Variants in GNA12 observed in about 807,000 individuals in gnomAD.
GNA12 encodes the protein guanine nucleotide-binding protein subunit alpha-12.
GNA12 carries 9 observed loss-of-function variants against 26.0 expected under a neutral mutation model. The ratio of observed to expected loss-of-function variants is 0.35; its 90% CI spans 0.21 to 0.60. The LOEUF (loss-of-function observed/expected upper bound fraction) is 0.60. Ranked by LOEUF, GNA12 falls within the 20% of genes least tolerant of loss-of-function variation. GNA12 has a pLI of 0.78. For missense variants in GNA12, 405 were observed against 525.8 expected (o/e 0.77, Z 2.25); for synonymous variants, 264 against 219.6 (o/e 1.20, Z -1.79).
At chr7:2,792,877 CA>C (rs1295052239) in intron 2 of GNA12, among the ~76,000 whole-genome samples, 1 of 152,182 alleles carries the variant, frequency 6.6e-6, no homozygotes, top group African/African-American at 2.4e-5. Context: ...AGGCTATTTG[CA>C]GGGTCTCAAT....
Position 2,831,171 on chromosome 7 carries a change from G to A in GNA12, c.309+12682C>T, listed in dbSNP as rs146795408. Among the ~76,000 whole-genome samples the A allele has an allele frequency of 4.8e-3, 726 of 151,776 alleles. 5 individuals are homozygous for A. Among genetic ancestry groups the A allele is most frequent in the African/African-American group, 0.016 (672 of 41,350 alleles). On this transcript the variant is annotated intron_variant, in intron 1 of 3. Transcript: ENST00000275364. ...AGCAGTCCTGGTATGTTTAAAAACA[G>A]TCTCATTGTGCTACGGTCATACCAG...
Position 2,731,630 on chromosome 7 carries a change from A to C in GNA12, c.697T>G (p.Ser233Ala), listed in dbSNP as rs1235372215. The C allele has an allele frequency of 1.9e-6, 3 of 1,613,812 alleles. No homozygotes were observed. Among genetic ancestry groups the C allele is most frequent in the Non-Finnish European group, 2.5e-6 (3 of 1,179,926 alleles). The change falls in exon 4 of 4, where the codon TCC becomes GCC. Residue 233 changes from serine to alanine, a missense_variant. Physicochemically the swap from Ser to Ala is moderately conservative, Grantham distance 99. Coordinates refer to ENST00000275364, the MANE Select transcript of GNA12 (RefSeq NM_007353.3). The surrounding 1 kb of genome is among the most constrained non-coding windows in gnomAD (Gnocchi z 6.0). ...FKMVDVGGQR[S>A]QRQKWFQCFD... The stretch of plus-strand genomic sequence containing the variant: ...CACTGGAACCACTTCTGGCGCTGGG[A>C]CCGCTGGCCGCCCACATCCACCATC...
rs372522652 is a variant in GNA12, at chr7:2,735,341, G to A, written c.526-1840C>T. ...CTAGGCAGGTGGTGGCACCAGGCAC[G>A]AAGGAAGCAGAGGCAGTTCTCCTGC... On this transcript the variant is annotated intron_variant, in intron 2 of 3. Coordinates refer to ENST00000275364, the MANE Select transcript of GNA12 (RefSeq NM_007353.3). Among the ~76,000 whole-genome samples the A allele has an allele frequency of 4.6e-5, 7 of 152,306 alleles. No homozygotes were observed. The East Asian group carries it at 7.7e-4, about 17-fold the overall frequency.
chr7:2,812,826 A>C (rs1793117988), intron 1 of GNA12, among the ~76,000 whole-genome samples: 1 of 152,164 alleles, frequency 6.6e-6, no homozygotes, highest in Non-Finnish European at 1.5e-5. Flanking sequence ...CCCACCTCTA[A>C]TGAGAAAGTT....
intron 2 of GNA12, among the ~76,000 whole-genome samples, chr7:2,751,032 C>T (rs115935168): frequency 1.3e-5 from 2 of 152,088 alleles, no homozygotes; most frequent in Non-Finnish European, 2.9e-5. Flanking sequence ...GTTAAAATAT[C>T]AACACTTTTA....
At chr7:2,832,104 T>C (rs895022292) in intron 1 of GNA12, among the ~76,000 whole-genome samples, 2 of 152,198 alleles carry the variant, frequency 1.3e-5, no homozygotes, top group African/African-American at 4.8e-5. Context: ...TCCCTGATTT[T>C]GGCCCCAGGA....
chr7:2,755,169 G>A (rs1791235070), intron 2 of GNA12, among the ~76,000 whole-genome samples: 1 of 152,170 alleles, frequency 6.6e-6, no homozygotes, highest in African/African-American at 2.4e-5. Flanking sequence ...ACCACTGCAG[G>A]GAGACAACAG....
rs1462284322 is a variant in GNA12 at position 2,731,282 on chromosome 7, G to T, written c.1045C>A (p.His349Asn). 1 of 1,612,162 alleles carries T rather than the reference G, an allele frequency of 6.2e-7. No individual in the cohort carries two copies. ...RRNRSKPLFH[H>N]FTTAIDTENV... is the part of the protein sequence containing the mutation. Reference sequence around the variant, plus strand: ...TCGGTGTCGATGGCGGTGGTGAAGTGGTGGAAGAGTGGCTTGCTGCGGTTC... The same window carrying T: ...TCGGTGTCGATGGCGGTGGTGAAGTTGTGGAAGAGTGGCTTGCTGCGGTTC... Residue 349 changes from histidine to asparagine, a missense_variant, in exon 4 of 4, where the codon CAC (histidine) becomes AAC (asparagine). By Grantham distance (68) the His-to-Asn change is moderately conservative (BLOSUM62 1). Transcript: ENST00000275364. The surrounding 1 kb of genome is among the most constrained non-coding windows in gnomAD (Gnocchi z 6.0).
intron 2 of GNA12, among the ~76,000 whole-genome samples, chr7:2,735,349 C>T (rs1194282429): frequency 6.6e-6 from 1 of 152,224 alleles, no homozygotes; most frequent in East Asian, 1.9e-4. Flanking sequence ...ACGAAGGAAG[C>T]AGAGGCAGTT....
intron 2 of GNA12, among the ~76,000 whole-genome samples, chr7:2,757,604 T>C (rs1791364937): frequency 6.6e-6 from 1 of 152,232 alleles, no homozygotes; most frequent in Admixed American, 6.5e-5. Context: ...TGGCGAACTC[T>C]GGATGCCCAG....
chr7:2,789,820 A>C (rs1322925600), intron 2 of GNA12, among the ~76,000 whole-genome samples: 1 of 152,190 alleles, frequency 6.6e-6, no homozygotes, highest in African/African-American at 2.4e-5. Flanking sequence ...ATCATTTTGC[A>C]GCCACAGAGG....
chr7:2,790,482 T>A (rs1472296266), intron 2 of GNA12, among the ~76,000 whole-genome samples: 2 of 152,186 alleles, frequency 1.3e-5, no homozygotes, highest in African/African-American at 4.8e-5. Flanking sequence ...CTACCGGCTA[T>A]GTGAGGAAAT....
intron 1 of GNA12, among the ~76,000 whole-genome samples, chr7:2,817,618 T>C (rs531105708): frequency 6.6e-6 from 1 of 152,346 alleles, no homozygotes; most frequent in Admixed American, 6.5e-5. Context: ...GCAGACAACA[T>C]GGACTCTGAC....
intron 1 of GNA12, among the ~76,000 whole-genome samples, chr7:2,837,875 G>T (rs1243288609): frequency 2.0e-5 from 3 of 152,062 alleles, no homozygotes; most frequent in Non-Finnish European, 4.4e-5. Flanking sequence ...CAGTCAAAAG[G>T]GGGGAAAAGA....
chr7:2,746,576 A>G (rs1042144499), intron 2 of GNA12, among the ~76,000 whole-genome samples: 1 of 152,224 alleles, frequency 6.6e-6, no homozygotes, highest in African/African-American at 2.4e-5. Flanking sequence ...GGAAAAATCT[A>G]AAATTGACAC....
At chr7:2,806,161 T>C (rs1250499418) in intron 1 of GNA12, among the ~76,000 whole-genome samples, 2 of 152,244 alleles carry the variant, frequency 1.3e-5, no homozygotes, top group East Asian at 1.9e-4. Context: ...TTGGACAGCA[T>C]TGCTGTAGGA....
chr7:2,743,439 T>C (rs1441015371), intron 2 of GNA12, among the ~76,000 whole-genome samples: 1 of 152,154 alleles, frequency 6.6e-6, no homozygotes, highest in Non-Finnish European at 1.5e-5. Context: ...AACTCAAATA[T>C]CCCAGATACT....
rs112067403 is a variant in GNA12 at position 2,735,650 on chromosome 7, C to T, written c.526-2149G>A. ...CAAACACTCACTGCTGCTTTCTCCA[C>T]GATGACTGAATGAGGATGGCTCATT... On this transcript the variant is annotated intron_variant, in intron 2 of 3. Transcript: ENST00000275364. Among the ~76,000 whole-genome samples, 9 of 152,344 alleles carry T rather than the reference C, an allele frequency of 5.9e-5. No individual in the cohort carries two copies. In the South Asian group the frequency reaches 6.2e-4, roughly 11 times the overall value.
chr7:2,819,651 T>C (rs1429241766), intron 1 of GNA12, among the ~76,000 whole-genome samples: 3 of 152,004 alleles, frequency 2.0e-5, no homozygotes. Flanking sequence ...GATACGCAAA[T>C]GGCCCATAAG....
Sources: gnomAD v4.1 joint callset for allele counts (sites outside exome capture counted in the v4.1 genomes callset) on GRCh38, gnomAD v4.1.1 for gene constraint, Gnocchi (gnomAD v3.1) non-coding constraint, MANE v1.5 for transcripts, NCBI Gene and HGNC (gene_info 2026-07-23, HGNC 2026-07-21) for gene names.